CUL7: variants seen among roughly 807,000 people sequenced by gnomAD.
CUL7 encodes cullin-7.
CUL7 carries 96 observed loss-of-function variants against 177.7 expected under a neutral mutation model. The ratio of observed to expected loss-of-function variants is 0.54; its 90% CI spans 0.46 to 0.64. CUL7 has a LOEUF of 0.64. Among genes scored for constraint, CUL7 ranks in the 30% least tolerant of loss-of-function variants. The pLI is 0.00. For missense variants in CUL7, 1,893 were observed against 2,187.9 expected, an observed-to-expected ratio of 0.87 and a Z score of 2.69; for synonymous variants, 824 against 890.2, an observed-to-expected ratio of 0.93 and a Z score of 1.32.
Position 43,045,915 on chromosome 6 carries a change from A to C in CUL7, c.2766+71T>G. 1 of 1,302,128 alleles carries C rather than the reference A, an allele frequency of 7.7e-7. No individual in the cohort carries two copies. Among genetic ancestry groups the C allele is most frequent in the Non-Finnish European group, 1.1e-6 (1 of 904,170 alleles). The allele number at this position is 1,302,128 out of a possible 1,614,324, so 80.7% of individuals were successfully genotyped here. On this transcript the variant is annotated intron_variant, in intron 13 of 25. Coordinates refer to ENST00000265348, the MANE Select transcript of CUL7 (RefSeq NM_014780.5). The surrounding 1 kb of genome is among the most constrained non-coding windows in gnomAD (Gnocchi z 4.8). ...GGTGGGAGTTAGAAAAAAGTAGGAT[A>C]GGGCCAGATAGAAGCAGGAGGGCAG...
chr6:43,040,478 C>T lies in CUL7; in HGVS notation c.4023+52G>A, dbSNP rs370901005. ...CCATGGCCTCCTCCAGTCTGCTCCA[C>T]GCCCCTCTTCCCCCTACCCTCTTAT... On this transcript the variant is annotated intron_variant, in intron 21 of 25. Transcript: ENST00000265348. This position sits in a 1 kb window ranked among gnomAD's most constrained non-coding sequence, Gnocchi z 4.2. 2.7e-5 allele frequency: 44 copies of T among 1,612,572 alleles called. No individual in the cohort carries two copies. The highest frequency in any genetic ancestry group is 2.0e-4 in the African/African-American group (15 of 75,050).
Position 43,045,815 on chromosome 6 carries a change from G to T in CUL7, c.2767-133C>A. The T allele has an allele frequency of 8.7e-7, 1 of 1,148,314 alleles. No homozygotes were observed. The highest frequency in any genetic ancestry group is 1.3e-6 in the Non-Finnish European group (1 of 775,740). 71.1% of individuals were successfully genotyped at this position (1,148,314 alleles called of 1,614,324 possible). ...AGGGTCCTGACAAAGCTGTCCTCAT[G>T]CCACCCTCATTGTTCAGGGCCTGGT... On this transcript the variant is annotated intron_variant, in intron 13 of 25. Transcript: ENST00000265348. This position sits in a 1 kb window ranked among gnomAD's most constrained non-coding sequence, Gnocchi z 4.8.
chr6:43,046,743 G>C, intron 10 of CUL7, 137 bp downstream of exon 10: 1 of 1,369,844 alleles, frequency 7.3e-7, no homozygotes, highest in East Asian at 2.4e-5. Flanking sequence ...TGGGGCAGAG[G>C]GGAAGGGGAA....
In CUL7 at chr6:43,045,623, C is replaced by G. The variant is rs1215702963; in HGVS notation, c.2826G>C (p.Trp942Cys). Residue 942 changes from tryptophan (W) to cysteine (C), a missense_variant, in exon 14 of 26, where the codon TGG becomes TGC. Trp to Cys is a radical substitution (Grantham distance 215, BLOSUM62 -2). Around this residue, in one of 5 missense-constraint regions of CUL7, gnomAD observed 973 missense variants for 1,140.9 expected, o/e 0.85. Transcript: ENST00000265348. This position sits in a 1 kb window ranked among gnomAD's most constrained non-coding sequence, Gnocchi z 4.8. ...VILLENLTRF[W>C]PIIQIRIKRC... ...GCTTTATGCGGATCTGGATGATGGG[C>G]CAGAAGCGGGTCAGGTTCTCCAGGA... 7 of 1,614,238 alleles carry G rather than the reference C, an allele frequency of 4.3e-6. No individual in the cohort carries two copies. The highest frequency in any genetic ancestry group is 5.9e-6 in the Non-Finnish European group (7 of 1,180,046).
rs1328376635 is a variant in CUL7 at position 43,047,045 on chromosome 6, C to G, written c.2232G>C (p.Val744=). Residue 744 remains valine (V), a synonymous_variant, in exon 10 of 26, where the codon GTG becomes GTC. Coordinates refer to ENST00000265348, the MANE Select transcript of CUL7 (RefSeq NM_014780.5). ...RLTSVSRDYA[V]VLNQLGARDA... is the part of the protein sequence containing the mutation. ...CTCTTGCTCCCAGCTGATTCAGCAC[C>G]ACGGCATAGTCCCTGCTCACTGAGG... The G allele has an allele frequency of 1.9e-6, 3 of 1,613,516 alleles. No homozygotes were observed. In the Admixed American group the frequency reaches 5.0e-5, roughly 27 times the overall value.
Position 43,042,658 on chromosome 6 carries a change from A to G in CUL7, c.3645+144T>C, listed in dbSNP as rs540959572. ...ACCTGGCCACTATTTATTTTTTTCA[A>G]TTTTTTAAACTTCTTATAACATGGC... On this transcript the variant is annotated intron_variant, in intron 19 of 25. Coordinates refer to ENST00000265348, the MANE Select transcript of CUL7 (RefSeq NM_014780.5). The G allele has an allele frequency of 2.7e-5, 18 of 665,038 alleles. No homozygotes were observed. The East Asian group carries it at 4.1e-4, about 15-fold the overall frequency. The allele number at this position is 665,038 out of a possible 1,614,324, so 41.2% of individuals were successfully genotyped here. A position where few individuals can be genotyped will look rare whatever the true frequency, so the allele number is the denominator to read the frequency against.
rs537408884 is a variant in CUL7 at position 43,051,078 on chromosome 6, C to T, written c.1123G>A (p.Asp375Asn). The T allele has an allele frequency of 3.7e-6, 6 of 1,614,194 alleles. No individual in the cohort carries two copies. The South Asian group carries it at 5.5e-5, about 15-fold the overall frequency. Reference sequence around the variant, plus strand: ...ACTCGCATCCCCGGCTGCAGTGTGTCCCGCACATACAAAGCATAGGTATTG... The same window carrying T: ...ACTCGCATCCCCGGCTGCAGTGTGTTCCGCACATACAAAGCATAGGTATTG... The part of the protein sequence containing the change: ...SGNTYALYVR[D>N]TLQPGMRVRM... The change falls in exon 4 of 26, where the codon GAC becomes AAC. Residue 375 changes from aspartate to asparagine, a missense_variant. Asp to Asn is a conservative substitution (Grantham distance 23, BLOSUM62 1). Transcript: ENST00000265348. The surrounding 1 kb of genome is among the most constrained non-coding windows in gnomAD (Gnocchi z 5.0).
rs760402690 is a variant in CUL7 at position 43,052,686 on chromosome 6, G to A, written c.103C>T (p.His35Tyr). The A allele has an allele frequency of 6.2e-7, 1 of 1,614,036 alleles. No individual in the cohort carries two copies. The highest frequency in any genetic ancestry group is 1.1e-5 in the South Asian group (1 of 91,092). ...AGCCAACGGATCTGGTACTCAGGAT[G>A]CCCATCATGGCCCACGCGCTGGCGG... ...LIRQRVGHDG[H>Y]PEYQIRWLIL... Residue 35 changes from histidine (H) to tyrosine (Y), a missense_variant, in exon 2 of 26, where the codon CAT becomes TAT. By Grantham distance (83) the His-to-Tyr change is moderately conservative. Around this residue, in one of 5 missense-constraint regions of CUL7, gnomAD observed 653 missense variants for 725.2 expected, o/e 0.90. Coordinates refer to ENST00000265348, the MANE Select transcript of CUL7 (RefSeq NM_014780.5). This position sits in a 1 kb window ranked among gnomAD's most constrained non-coding sequence, Gnocchi z 4.5.
chr6:43,045,484 T>A lies in CUL7; in HGVS notation c.2863-82A>T. The A allele has an allele frequency of 6.2e-7, 1 of 1,613,478 alleles. No individual in the cohort carries two copies. Among genetic ancestry groups the A allele is most frequent in the Non-Finnish European group, 8.5e-7 (1 of 1,179,486 alleles). On this transcript the variant is annotated intron_variant, in intron 14 of 25. Coordinates refer to ENST00000265348, the MANE Select transcript of CUL7 (RefSeq NM_014780.5). The surrounding 1 kb of genome is among the most constrained non-coding windows in gnomAD (Gnocchi z 4.8). ...CAGCTACGCCCTCGAACCTCACCCC[T>A]GGAGCTGCTCGAGACCCAGGCTGGT...
Position 43,044,844 on chromosome 6 carries a change from C to T in CUL7, c.3080G>A (p.Arg1027His), listed in dbSNP as rs142250046. The T allele has an allele frequency of 4.6e-5, 75 of 1,613,874 alleles. No individual in the cohort carries two copies. Among genetic ancestry groups the T allele is most frequent in the East Asian group, 2.0e-4 (9 of 44,874 alleles). ...ALRQEQNFADRFLPDDEAAQA... is the reference protein window; with the variant it reads ...ALRQEQNFADHFLPDDEAAQA... ...GGCAGCCTCGTCATCAGGGAGGAAG[C>T]GGTCAGCAAAATTCTGCTCCTGGCG... is the stretch of plus-strand genomic sequence containing the variant. Residue 1027 changes from arginine to histidine, a missense_variant, in exon 16 of 26, where the codon CGC becomes CAC. By Grantham distance (29) the Arg-to-His change is conservative. Coordinates refer to ENST00000265348, the MANE Select transcript of CUL7 (RefSeq NM_014780.5).
Position 43,043,230 on chromosome 6 carries a change from C to T in CUL7, c.3356-50G>A, listed in dbSNP as rs758261173. ...AGGCAAGGAGGGTGCAGCCCCTCCA[C>T]TCCCAAGTCCCCATCCAAGGGGGTT... On this transcript the variant is annotated intron_variant, in intron 17 of 25. Coordinates refer to ENST00000265348, the MANE Select transcript of CUL7 (RefSeq NM_014780.5). The surrounding 1 kb of genome is among the most constrained non-coding windows in gnomAD (Gnocchi z 4.2). The T allele has an allele frequency of 3.4e-6, 5 of 1,467,312 alleles. No homozygotes were observed. Among genetic ancestry groups the T allele is most frequent in the Non-Finnish European group, 4.8e-6 (5 of 1,052,462 alleles). 90.9% of individuals were successfully genotyped at this position (1,467,312 alleles called of 1,614,324 possible). A position where few individuals can be genotyped will look rare whatever the true frequency, so the allele number is the denominator to read the frequency against.
At position 43,049,990 on chromosome 6, in the gene CUL7, C is replaced by G. The variant is rs146808129; in HGVS notation, c.1542G>C (p.Gln514His). ...CCCCATCTAGGTTCTCCTGGAGGATCTGGAGAACCTCCTGATGGTCAGGTC... is the reference window on the plus strand; with the variant it reads ...CCCCATCTAGGTTCTCCTGGAGGATGTGGAGAACCTCCTGATGGTCAGGTC... ...LDGPDHQEVL[Q>H]ILQENLDGEI... The change falls in exon 6 of 26, where the codon CAG becomes CAC. Residue 514 changes from glutamine (Q) to histidine (H), a missense_variant. Coordinates refer to ENST00000265348, the MANE Select transcript of CUL7 (RefSeq NM_014780.5). The G allele has an allele frequency of 1.2e-6, 2 of 1,614,158 alleles. No individual in the cohort carries two copies. The highest frequency in any genetic ancestry group is 1.7e-6 in the Non-Finnish European group (2 of 1,180,024).
chr6:43,038,551 G>A lies in CUL7; in HGVS notation c.4567+15C>T, dbSNP rs2150305029. The A allele has an allele frequency of 6.2e-7, 1 of 1,613,958 alleles. No individual in the cohort carries two copies. Among genetic ancestry groups the A allele is most frequent in the Non-Finnish European group, 8.5e-7 (1 of 1,179,934 alleles). ...CTGCCTCAGAGCAGAGGCCCCTCTGGCCCTAAGTGCATACCTCCTGGTATA... is the reference window on the plus strand; with the variant it reads ...CTGCCTCAGAGCAGAGGCCCCTCTGACCCTAAGTGCATACCTCCTGGTATA... On this transcript the variant is annotated intron_variant, in intron 24 of 25. Coordinates refer to ENST00000265348, the MANE Select transcript of CUL7 (RefSeq NM_014780.5).
Position 43,038,927 on chromosome 6 carries a change from C to T in CUL7, c.4355G>A (p.Gly1452Asp), listed in dbSNP as rs1267296301. The change falls in exon 23 of 26, where the codon GGC becomes GAC. Residue 1452 changes from glycine to aspartate, a missense_variant. By Grantham distance (94) the Gly-to-Asp change is moderately conservative (BLOSUM62 -1). This residue lies in a region of CUL7 where 973 missense variants were observed against 1,140.9 expected (regional missense o/e 0.85). Coordinates refer to ENST00000265348, the MANE Select transcript of CUL7 (RefSeq NM_014780.5). ...SQRRLQWTWLGWAELQFGNQT... is the reference protein window; with the variant it reads ...SQRRLQWTWLDWAELQFGNQT... The stretch of plus-strand genomic sequence containing the variant: ...GTTCCCAAACTGCAGCTCAGCCCAG[C>T]CCAGCCACGTCCACTGCAGTCGCCT... 3 of 1,613,834 alleles carry T rather than the reference C, an allele frequency of 1.9e-6. No individual in the cohort carries two copies. In the East Asian group the frequency reaches 6.7e-5, roughly 36 times the overall value.
At position 43,045,899 on chromosome 6, in the gene CUL7, T is replaced by G. The variant is rs1763857657; in HGVS notation, c.2766+87A>C. ...TGTGGGGCTCAAGACAGGTGGGAGT[T>G]AGAAAAAAGTAGGATAGGGCCAGAT... is the stretch of plus-strand genomic sequence containing the variant. On this transcript the variant is annotated intron_variant, in intron 13 of 25. Transcript: ENST00000265348. The surrounding 1 kb of genome is among the most constrained non-coding windows in gnomAD (Gnocchi z 4.8). 1 of 1,197,292 alleles carries G rather than the reference T, an allele frequency of 8.4e-7. No homozygotes were observed. The highest frequency in any genetic ancestry group is 1.3e-5 in the South Asian group (1 of 79,540). 74.2% of individuals were successfully genotyped at this position (1,197,292 alleles called of 1,614,324 possible).
Position 43,037,950 on chromosome 6 carries a change from T to A in CUL7, c.4835A>T (p.Lys1612Met). 1 of 1,598,684 alleles carries A rather than the reference T, an allele frequency of 6.3e-7. No individual in the cohort carries two copies. Among genetic ancestry groups the A allele is most frequent in the Non-Finnish European group, 8.5e-7 (1 of 1,169,846 alleles). Residue 1612 changes from lysine to methionine, a missense_variant, in exon 26 of 26, where the codon AAG (lysine) becomes ATG (methionine). Transcript: ENST00000265348. ...PPRGLVSSLGKGSACSSTDVL... is the reference protein window; with the variant it reads ...PPRGLVSSLGMGSACSSTDVL... ...GTCAGTGCTGCTGCATGCAGACCCC[T>A]TACCAAGGCTGCTGACCAAACCCCT... is the stretch of plus-strand genomic sequence containing the variant.
rs1412797289 is a variant in CUL7, at chr6:43,043,347, G to A, written c.3355+101C>T. The A allele has an allele frequency of 6.3e-5, 82 of 1,302,916 alleles. No individual in the cohort carries two copies. Among genetic ancestry groups the A allele is most frequent in the Non-Finnish European group, 6.2e-5 (56 of 904,722 alleles). 80.7% of individuals were successfully genotyped at this position (1,302,916 alleles called of 1,614,324 possible). A position where few individuals can be genotyped will look rare whatever the true frequency, so the allele number is the denominator to read the frequency against. On this transcript the variant is annotated intron_variant, in intron 17 of 25. Transcript: ENST00000265348. This position sits in a 1 kb window ranked among gnomAD's most constrained non-coding sequence, Gnocchi z 4.2. The stretch of plus-strand genomic sequence containing the variant: ...GGAAGATGAACAGGCTGAGCCCATA[G>A]GGAGGGGAAGGATGGGGATGGACAG...
rs1265803538 is a variant in CUL7, at chr6:43,040,045, T to C, written c.4294+111A>G. On this transcript the variant is annotated intron_variant, in intron 22 of 25. Transcript: ENST00000265348. The surrounding 1 kb of genome is among the most constrained non-coding windows in gnomAD (Gnocchi z 4.2). Reference sequence around the variant, plus strand: ...GTGAGCACTGTGCCCAGCCAAAGACTATCTCTTTTTACATCAAGCCTCCCA... The same window carrying C: ...GTGAGCACTGTGCCCAGCCAAAGACCATCTCTTTTTACATCAAGCCTCCCA... The C allele has an allele frequency of 1.5e-6, 2 of 1,318,376 alleles. No individual in the cohort carries two copies. The highest frequency in any genetic ancestry group is 3.4e-5 in the Admixed American group (2 of 59,556). The allele number at this position is 1,318,376 out of a possible 1,614,324, so 81.7% of individuals were successfully genotyped here.
In CUL7 at chr6:43,053,585, A is replaced by G. The variant is rs998687035; in HGVS notation, c.-9+37T>C. On this transcript the variant is annotated intron_variant, in intron 1 of 25. Transcript: ENST00000265348. The surrounding 1 kb of genome is among the most constrained non-coding windows in gnomAD (Gnocchi z 4.1). ...AGGCTCGATGGGCTAGTGGGCAGGG[A>G]AGGAGAAGCAAGGGGCCGCGGTGGG... 16 of 1,291,416 alleles carry G rather than the reference A, an allele frequency of 1.2e-5. No homozygotes were observed. The African/African-American group carries it at 2.2e-4, about 18-fold the overall frequency. The allele number at this position is 1,291,416 out of a possible 1,614,324, so 80.0% of individuals were successfully genotyped here.
Sources: allele counts gnomAD v4.1 joint callset, GRCh38; gene constraint gnomAD v4.1.1; regional missense constraint gnomAD v4.1.1; non-coding constraint Gnocchi (gnomAD v3.1); transcripts MANE v1.5; gene names NCBI Gene and HGNC (gene_info 2026-07-23, HGNC 2026-07-21).